KIAA1549: variants seen among roughly 807,000 people sequenced by gnomAD.
KIAA1549 encodes the protein UPF0606 protein KIAA1549.
KIAA1549 carries 70 observed loss-of-function variants against 156.4 expected under a neutral mutation model. The observed-to-expected ratio is 0.45, with a 90% CI of 0.37 to 0.55. The LOEUF (loss-of-function observed/expected upper bound fraction) is 0.55, where lower values mean the gene tolerates loss of function less well. Among genes scored for constraint, KIAA1549 ranks in the 20% least tolerant of loss-of-function variants. KIAA1549 has a pLI of 0.00. For synonymous variants in KIAA1549, 1,103 were observed against 1,066.4 expected, an observed-to-expected ratio of 1.03 and a Z score of -0.67; for missense variants, 2,428 against 2,540.9, an observed-to-expected ratio of 0.96 and a Z score of 0.96.
rs117850086 is a variant in KIAA1549, at chr7:138,856,942, C to T, written c.5247+4197G>A. 1.7e-4 allele frequency among the ~76,000 whole-genome samples: 26 copies of T among 152,248 alleles called. No individual in the cohort carries two copies. The East Asian group carries it at 5.0e-3, about 29-fold the overall frequency. Reference sequence around the variant, plus strand: ...TCTTCCAATCTGTTGAAAGCCTGAACAGAAGAAAAAGACAGAGGAAGGCTG... The same window carrying T: ...TCTTCCAATCTGTTGAAAGCCTGAATAGAAGAAAAAGACAGAGGAAGGCTG... On this transcript the variant is annotated intron_variant, in intron 16 of 19. Coordinates refer to ENST00000422774, the MANE Select transcript of KIAA1549 (RefSeq NM_001164665.2).
In KIAA1549 at chr7:138,869,437, C is replaced by T. The variant is rs1340343306; in HGVS notation, c.4775+101G>A. On this transcript the variant is annotated intron_variant, in intron 14 of 19. Transcript: ENST00000422774. ...GTGAACACGGATGGGGTCCTTCTGT[C>T]ACAGGCCCTGCAGTAGCAGAGGGGC... 7.7e-6 allele frequency: 7 copies of T among 907,830 alleles called. No homozygotes were observed. The East Asian group carries it at 1.3e-4, about 17-fold the overall frequency. The allele number at this position is 907,830 out of a possible 1,614,324, so 56.2% of individuals were successfully genotyped here. A position where few individuals can be genotyped will look rare whatever the true frequency, so the allele number is the denominator to read the frequency against.
chr7:138,909,120 T>A lies in KIAA1549; in HGVS notation c.3147A>T (p.Val1049=), dbSNP rs1812095746. ...VPESRFQVQT[V]LQFVPPSVDT... ...CCACACTCGGAGGCACAAACTGAAGTACTGAAAAGAAAAGCAATCAAAGTC... is the reference window on the plus strand; with the variant it reads ...CCACACTCGGAGGCACAAACTGAAGAACTGAAAAGAAAAGCAATCAAAGTC... The change falls in exon 5 of 20, where the codon GTA becomes GTT. Residue 1049 remains valine (V), a splice_region_variant and synonymous_variant. Coordinates refer to ENST00000422774, the MANE Select transcript of KIAA1549 (RefSeq NM_001164665.2). 6.2e-7 allele frequency: 1 copy of A among 1,612,174 alleles called. No homozygotes were observed. The highest frequency in any genetic ancestry group is 8.5e-7 in the Non-Finnish European group (1 of 1,179,020).
At chr7:138,842,418 G>A (rs931284870) in intron 18 of KIAA1549, among the ~76,000 whole-genome samples, 2 of 152,214 alleles carry the variant, frequency 1.3e-5, no homozygotes, top group East Asian at 1.9e-4. Flanking sequence ...TGGGTGCAGC[G>A]GCTCACGCCT....
chr7:138,927,661 C>A (rs569471397), intron 1 of KIAA1549, among the ~76,000 whole-genome samples: 1 of 152,096 alleles, frequency 6.6e-6, no homozygotes, highest in East Asian at 1.9e-4. Context: ...AGAATGCAAT[C>A]GCAGATCAGA....
At chr7:138,875,482 A>G (rs1177995594) in intron 12 of KIAA1549, among the ~76,000 whole-genome samples, 1 of 152,088 alleles carries the variant, frequency 6.6e-6, no homozygotes, top group African/African-American at 2.4e-5. Context: ...TCGTCTCTAC[A>G]AAAAGTAAAT....
In KIAA1549 at chr7:138,836,991, A is replaced by T. The variant is rs774352738; in HGVS notation, c.*915T>A. On this transcript the variant is annotated 3_prime_UTR_variant, in exon 20 of 20. Transcript: ENST00000422774. ...CAACAGCAAAGTGGAAGAAAGGATC[A>T]GTTAGGACCTCTTGAAAGCCGCATT... 5 of 228,736 alleles carry T rather than the reference A, an allele frequency of 2.2e-5. No individual in the cohort carries two copies. The highest frequency in any genetic ancestry group is 2.6e-5 in the Non-Finnish European group (3 of 115,368). 14.2% of individuals were successfully genotyped at this position (228,736 alleles called of 1,614,324 possible). A position where few individuals can be genotyped will look rare whatever the true frequency, so the allele number is the denominator to read the frequency against.
chr7:138,891,169 G>A (rs1475389455), intron 10 of KIAA1549, among the ~76,000 whole-genome samples: 3 of 152,262 alleles, frequency 2.0e-5, no homozygotes, highest in Non-Finnish European at 4.4e-5. Context: ...GAGATCGCGT[G>A]CTATTTGTGT....
At chr7:138,860,590 T>C (rs1004343344) in intron 16 of KIAA1549, among the ~76,000 whole-genome samples, 1 of 152,154 alleles carries the variant, frequency 6.6e-6, no homozygotes, top group Non-Finnish European at 1.5e-5. Flanking sequence ...AAGAAAAACA[T>C]AAATGATAAC....
At chr7:138,979,412 G>C (rs1003905691) in intron 1 of KIAA1549, among the ~76,000 whole-genome samples, 1 of 152,324 alleles carries the variant, frequency 6.6e-6, no homozygotes, top group Non-Finnish European at 1.5e-5. Flanking sequence ...CAGAAAGGAA[G>C]CATGTCATAG....
chr7:138,904,041 C>A (rs1289504773), intron 7 of KIAA1549, among the ~76,000 whole-genome samples: 1 of 152,168 alleles, frequency 6.6e-6, no homozygotes, highest in Non-Finnish European at 1.5e-5. Context: ...CCCAGGAACT[C>A]AGCACTGCAG....
rs891863129 is a variant in KIAA1549 at position 138,835,253 on chromosome 7, C to G, written c.*2653G>C. ...TGACTGGCAAAACTGTTGTGGCAGGCGTCGAGAGGAAGCAAGTACAAACTG... is the reference window on the plus strand; with the variant it reads ...TGACTGGCAAAACTGTTGTGGCAGGGGTCGAGAGGAAGCAAGTACAAACTG... On this transcript the variant is annotated 3_prime_UTR_variant, in exon 20 of 20. Coordinates refer to ENST00000422774, the MANE Select transcript of KIAA1549 (RefSeq NM_001164665.2). 1 of 213,480 alleles carries G rather than the reference C, an allele frequency of 4.7e-6. No homozygotes were observed. The highest frequency in any genetic ancestry group is 5.9e-5 in the Admixed American group (1 of 17,066). 13.2% of individuals were successfully genotyped at this position (213,480 alleles called of 1,614,324 possible).
chr7:138,969,036 A>G (rs1028855966), intron 1 of KIAA1549, among the ~76,000 whole-genome samples: 7 of 152,052 alleles, frequency 4.6e-5, no homozygotes, highest in African/African-American at 1.7e-4. Context: ...CCCAGGTATT[A>G]AGCCCAGTAC....
chr7:138,967,987 G>A (rs1814083153), intron 1 of KIAA1549, among the ~76,000 whole-genome samples: 1 of 152,182 alleles, frequency 6.6e-6, no homozygotes. Flanking sequence ...GAGGCTCCCA[G>A]CTCTGAGCAA....
chr7:138,911,318 G>A lies in KIAA1549; in HGVS notation c.2973C>T (p.Tyr991=), dbSNP rs6969074. The change falls in exon 4 of 20, where the codon TAC becomes TAT. Residue 991 remains tyrosine (Y), a synonymous_variant. Coordinates refer to ENST00000422774, the MANE Select transcript of KIAA1549 (RefSeq NM_001164665.2). ...GAAAAGTGAAGTCAGTAAATAGTTC[G>A]TAAACCTAGGGAAATAAGAAATACA... ...HFNRAVELKV[Y]ELFTDFTFLV... The A allele has an allele frequency of 0.45, 708,748 of 1,572,666 alleles. 168,309 individuals carry two copies. The highest frequency in any genetic ancestry group is 0.82 in the African/African-American group (60,933 of 74,060).
At position 138,903,858 on chromosome 7, in the gene KIAA1549, C is replaced by CGT. The variant is rs1554418659; in HGVS notation, c.3521-123_3521-122insAC. Reference sequence around the variant, plus strand: ...GTGTGTGTGTGTGTGTGTGTGCGCGCGCGCGCGCGCGCACATATGTATTTG... The same window carrying CGT: ...GTGTGTGTGTGTGTGTGTGTGCGCGCGTGCGCGCGCGCGCACATATGTATTTG... On this transcript the variant is annotated intron_variant, in intron 7 of 19. Coordinates refer to ENST00000422774, the MANE Select transcript of KIAA1549 (RefSeq NM_001164665.2). 13 of 620,256 alleles carry CGT rather than the reference C, an allele frequency of 2.1e-5. 2 individuals carry two copies. Among genetic ancestry groups the CGT allele is most frequent in the South Asian group, 9.0e-5 (4 of 44,374 alleles). The allele number at this position is 620,256 out of a possible 1,614,324, so 38.4% of individuals were successfully genotyped here.
At chr7:138,912,127 C>T (rs537959726) in intron 3 of KIAA1549, among the ~76,000 whole-genome samples, 2 of 152,206 alleles carry the variant, frequency 1.3e-5, no homozygotes, top group Non-Finnish European at 2.9e-5. Context: ...GCCCTTTGTT[C>T]CAACTCTGCC....
intron 1 of KIAA1549, among the ~76,000 whole-genome samples, chr7:138,969,751 CCTGA>C (rs1375055905): frequency 6.6e-6 from 1 of 152,042 alleles, no homozygotes; most frequent in Non-Finnish European, 1.5e-5. Context: ...CACCACCATG[CCTGA>C]CTAATTTTTG....
At chr7:138,908,188 C>T (rs562748727) in intron 5 of KIAA1549, among the ~76,000 whole-genome samples, 3 of 139,602 alleles carry the variant, frequency 2.1e-5, no homozygotes, top group Admixed American at 7.2e-5. Flanking sequence ...ACTAACAGCA[C>T]GAAAGCAAAG....
chr7:138,831,811 A>G lies in KIAA1549; in HGVS notation c.*6095T>C, dbSNP rs573520148. 4 of 232,516 alleles carry G rather than the reference A, an allele frequency of 1.7e-5. No homozygotes were observed. The highest frequency in any genetic ancestry group is 8.8e-5 in the African/African-American group (4 of 45,436). The allele number at this position is 232,516 out of a possible 1,614,324, so 14.4% of individuals were successfully genotyped here. A position where few individuals can be genotyped will look rare whatever the true frequency, so the allele number is the denominator to read the frequency against. ...GCTCTGCCGAGCAACCTTTCCTATT[A>G]ACGCTAGCCAGACTCCCTGCGTCCC... On this transcript the variant is annotated 3_prime_UTR_variant, in exon 20 of 20. Transcript: ENST00000422774.
Sources: allele counts gnomAD v4.1 joint callset (sites outside exome capture counted in the v4.1 genomes callset), GRCh38; gene constraint gnomAD v4.1.1; transcripts MANE v1.5; gene names NCBI Gene and HGNC (gene_info 2026-07-23, HGNC 2026-07-21).